Variants in AMBRA1 observed in about 807,000 individuals in gnomAD.
AMBRA1 encodes autophagy and beclin 1 regulator 1.
In AMBRA1, 47 loss-of-function variants were observed where a neutral mutation model predicts 125.4. That is an observed-to-expected ratio of 0.37 (90% CI 0.30 to 0.48). The LOEUF (loss-of-function observed/expected upper bound fraction) is 0.48, where lower values mean the gene tolerates loss of function less well. Ranked by LOEUF, AMBRA1 falls within the 20% of genes least tolerant of loss-of-function variation. The pLI is 0.99. For synonymous variants in AMBRA1, 626 were observed against 655.5 expected (o/e 0.95, Z 0.69); for missense variants, 1,331 against 1,693.4 (o/e 0.79, Z 3.76).
At chr11:46,525,767 G>C (rs1229931561) in intron 7 of AMBRA1, among the ~76,000 whole-genome samples, 1 of 150,788 alleles carries the variant, frequency 6.6e-6, no homozygotes, top group Admixed American at 6.6e-5. Context: ...AAAAAAATTA[G>C]CCAGCATGGT....
chr11:46,480,766 C>G (rs1028513986), intron 11 of AMBRA1, among the ~76,000 whole-genome samples: 13 of 152,154 alleles, frequency 8.5e-5, no homozygotes, highest in African/African-American at 3.1e-4. Context: ...TATATACATA[C>G]TGCAAGTCCC....
In AMBRA1 at chr11:46,508,263, G is replaced by A. The variant is rs769980147; in HGVS notation, c.2267C>T (p.Ser756Phe). 1 of 1,614,210 alleles carries A rather than the reference G, an allele frequency of 6.2e-7. No homozygotes were observed. Among genetic ancestry groups the A allele is most frequent in the Admixed American group, 1.7e-5 (1 of 60,028 alleles). Reference protein sequence around the residue: ...MRYQQNRLRSSTSSSSSDNQG... With the variant: ...MRYQQNRLRSFTSSSSSDNQG... ...GTTGTCTGAGGAAGAGGAGGAGGTG[G>A]AAGAACGGAGACGGTTCTGTTGGTA... Residue 756 changes from serine (S) to phenylalanine (F), a missense_variant, in exon 9 of 18, where the codon TCC becomes TTC. Physicochemically the swap from Ser to Phe is radical, Grantham distance 155. Coordinates refer to ENST00000683756, the MANE Select transcript of AMBRA1 (RefSeq NM_001387011.1).
At chr11:46,466,557 C>T (rs1565188461) in intron 11 of AMBRA1, among the ~76,000 whole-genome samples, 1 of 152,046 alleles carries the variant, frequency 6.6e-6, no homozygotes, top group Non-Finnish European at 1.5e-5. Context: ...GGGTCAAGAG[C>T]TAATACCAGT....
intron 14 of AMBRA1, among the ~76,000 whole-genome samples, chr11:46,425,669 G>A (rs1186146508): frequency 6.6e-6 from 1 of 151,662 alleles, no homozygotes; most frequent in African/African-American, 2.4e-5. Flanking sequence ...GTGAATCCCT[G>A]TCTCTACTAA....
intron 7 of AMBRA1, chr11:46,518,147 C>T (rs1042155824): frequency 2.0e-5 from 20 of 982,262 alleles, no homozygotes; most frequent in African/African-American, 7.0e-5. Context: ...GAATTACTCA[C>T]GGCCAGGCGC....
At chr11:46,435,969 C>G (rs937191189) in intron 12 of AMBRA1, among the ~76,000 whole-genome samples, 6 of 152,236 alleles carry the variant, frequency 3.9e-5, no homozygotes, top group African/African-American at 1.4e-4. Context: ...GAGCATAGAA[C>G]AAGAGTGCCC....
At chr11:46,417,207 A>G (rs1187403591) in intron 15 of AMBRA1, among the ~76,000 whole-genome samples, 1 of 152,034 alleles carries the variant, frequency 6.6e-6, no homozygotes, top group Non-Finnish European at 1.5e-5. Context: ...ACGTGCCACT[A>G]TGCCCGGCTA....
chr11:46,468,415 T>C (rs1483082525), intron 11 of AMBRA1, among the ~76,000 whole-genome samples: 1 of 151,692 alleles, frequency 6.6e-6, no homozygotes, highest in African/African-American at 2.4e-5. Context: ...GCCCAAGCAT[T>C]ACCCTTGGCT....
intron 11 of AMBRA1, among the ~76,000 whole-genome samples, chr11:46,445,597 T>G (rs1310286663): frequency 2.0e-5 from 3 of 152,146 alleles, no homozygotes; most frequent in South Asian, 4.1e-4. Flanking sequence ...ATAATGAAAA[T>G]CATTCTTTAG....
chr11:46,478,653 T>TA (rs1949926875), intron 11 of AMBRA1, among the ~76,000 whole-genome samples: 1 of 130,022 alleles, frequency 7.7e-6, no homozygotes. Flanking sequence ...TTTCTCTTTT[T>TA]TTTTTTTTTT....
intron 1 of AMBRA1, among the ~76,000 whole-genome samples, chr11:46,572,899 G>A (rs1254586253): frequency 6.6e-6 from 1 of 151,534 alleles, no homozygotes; most frequent in Non-Finnish European, 1.5e-5. Context: ...AGACCAGCCT[G>A]CCCAACCTGG....
chr11:46,564,908 A>G (rs867394855), intron 1 of AMBRA1, among the ~76,000 whole-genome samples: 7 of 152,210 alleles, frequency 4.6e-5, no homozygotes, highest in Non-Finnish European at 7.3e-5. Context: ...GCAAAGCACC[A>G]GAAATCACGG....
At chr11:46,460,415 G>A (rs893333662) in intron 11 of AMBRA1, among the ~76,000 whole-genome samples, 1 of 151,334 alleles carries the variant, frequency 6.6e-6, no homozygotes, top group East Asian at 2.0e-4. Context: ...TCCGCCTCCC[G>A]GGTTCCCACC....
rs59904013 is a variant in AMBRA1, at chr11:46,527,477, C to CAAAAAAAAAAAAAAAAAA, written c.2072+14450_2072+14467dup. Among the ~76,000 whole-genome samples, 38 of 25,942 alleles carry CAAAAAAAAAAAAAAAAAA rather than the reference C, an allele frequency of 1.5e-3. 1 individual carries two copies. The highest frequency in any genetic ancestry group is 2.7e-3 in the South Asian group (1 of 370). 17.0% of individuals were successfully genotyped at this position (25,942 alleles called of 152,430 possible). A position where few individuals can be genotyped will look rare whatever the true frequency, so the allele number is the denominator to read the frequency against. On this transcript the variant is annotated intron_variant, in intron 7 of 17. Coordinates refer to ENST00000683756, the MANE Select transcript of AMBRA1 (RefSeq NM_001387011.1). ...CCTAGGTGACAAAGTGAGACTGTCT[C>CAAAAAAAAAAAAAAAAAA]AAAAAAAAAAAAAAAAAAAAAAAAA...
chr11:46,408,809 C>T, intron 16 of AMBRA1, 103 bp from the exon 17 acceptor site: 2 of 1,151,970 alleles, frequency 1.7e-6, no homozygotes, highest in East Asian at 2.8e-5. Context: ...GTGGGCCAGG[C>T]CCTGCAGGCT....
At chr11:46,410,412 T>C (rs1391791029) in intron 15 of AMBRA1, 44 bp from the exon 16 acceptor site, 1 of 1,539,038 alleles carries the variant, frequency 6.5e-7, no homozygotes, top group East Asian at 2.2e-5. Context: ...TGAAAGGCAT[T>C]AGAGAGGGAA....
intron 14 of AMBRA1, among the ~76,000 whole-genome samples, chr11:46,432,309 G>A (rs1947494316): frequency 6.6e-6 from 1 of 152,166 alleles, no homozygotes. Flanking sequence ...AAAGTAAAAA[G>A]CTTGCAGGTA....
Position 46,417,918 on chromosome 11 carries a change from T to TCGG in AMBRA1, c.3108_3110dup (p.Arg1037dup). The TCGG allele has an allele frequency of 6.2e-7, 1 of 1,609,058 alleles. No homozygotes were observed. Among genetic ancestry groups the TCGG allele is most frequent in the Non-Finnish European group, 8.5e-7 (1 of 1,176,368 alleles). ...CCACACTTTAAGCCACTTACTCTGG[T>TCGG]CGGCAGATCACCAGGTCTCCTTTGT... On this transcript the variant is annotated inframe_insertion, in exon 15 of 18. Coordinates refer to ENST00000683756, the MANE Select transcript of AMBRA1 (RefSeq NM_001387011.1).
At chr11:46,522,695 A>G (rs961640213) in intron 7 of AMBRA1, among the ~76,000 whole-genome samples, 5 of 152,318 alleles carry the variant, frequency 3.3e-5, no homozygotes, top group African/African-American at 1.2e-4. Flanking sequence ...TTTATTCAGA[A>G]GCACAGATAT....
Sources: allele counts gnomAD v4.1 joint callset (sites outside exome capture counted in the v4.1 genomes callset), GRCh38; gene constraint gnomAD v4.1.1; transcripts MANE v1.5; gene names NCBI Gene and HGNC (gene_info 2026-07-23, HGNC 2026-07-21).